Variants in AEBP2 observed in about 807,000 individuals in gnomAD.
The protein encoded by AEBP2 is zinc finger protein AEBP2.
AEBP2 carries 10 observed loss-of-function variants against 50.8 expected under a neutral mutation model. The ratio of observed to expected loss-of-function variants is 0.20; its 90% CI spans 0.12 to 0.33. The LOEUF (loss-of-function observed/expected upper bound fraction) is 0.33, where lower values mean the gene tolerates loss of function less well. Among genes scored for constraint, AEBP2 ranks in the 10% least tolerant of loss-of-function variants. AEBP2 has a pLI of 1.00. For missense variants in AEBP2, 570 were observed against 688.0 expected (o/e 0.83, Z 1.92); for synonymous variants, 296 against 261.3 (o/e 1.13, Z -1.28).
intron 1 of AEBP2, chr12:19,440,707 G>GTA (rs1416345566): frequency 2.0e-6 from 3 of 1,533,378 alleles, no homozygotes; most frequent in Non-Finnish European, 2.6e-6. Flanking sequence ...GGGCCTTGAT[G>GTA]TACACACGTC....
At position 19,522,011 on chromosome 12, in the gene AEBP2, C is replaced by A. The variant is rs1250168563; in HGVS notation, c.*3894C>A. ...TCTGTGTAACAAAGCCTGTTGGGTA[C>A]AGGTCTACAAGGAGATACTTTGTTT... On this transcript the variant is annotated 3_prime_UTR_variant, in exon 8 of 8. Coordinates refer to ENST00000266508, the MANE Select transcript of AEBP2 (RefSeq NM_153207.5). 6.6e-6 allele frequency: 1 copy of A among 151,620 alleles called. No homozygotes were observed. The highest frequency in any genetic ancestry group is 1.5e-5 in the Non-Finnish European group (1 of 67,924). 9.4% of individuals were successfully genotyped at this position (151,620 alleles called of 1,614,324 possible).
intron 5 of AEBP2, among the ~76,000 whole-genome samples, chr12:19,505,116 T>C (rs1949136193): frequency 6.6e-6 from 1 of 152,202 alleles, no homozygotes; most frequent in Admixed American, 6.5e-5. Flanking sequence ...AGAGTTAATA[T>C]GGCTGCTCTG....
At chr12:19,416,775 C>G (rs1327427568) in intron 1 of AEBP2, among the ~76,000 whole-genome samples, 1 of 151,936 alleles carries the variant, frequency 6.6e-6, no homozygotes, top group African/African-American at 2.4e-5. Flanking sequence ...TAGTCTTGAA[C>G]TCCTGACCTC....
intron 3 of AEBP2, among the ~76,000 whole-genome samples, chr12:19,477,618 A>G (rs1393390074): frequency 1.3e-5 from 2 of 152,306 alleles, no homozygotes; most frequent in African/African-American, 4.8e-5. Flanking sequence ...CCATCTCTGC[A>G]TCCATGGTAT....
intron 1 of AEBP2, among the ~76,000 whole-genome samples, chr12:19,407,145 A>G (rs993526111): frequency 6.6e-6 from 1 of 152,082 alleles, no homozygotes. Flanking sequence ...CTAACAACAA[A>G]AAAGAATTAG....
chr12:19,433,909 C>T lies in AEBP2; in HGVS notation c.-16-28601C>T, dbSNP rs1031991460. ...TCACCTAGGCTGGAGTGTAGTGGCG[C>T]GATCTCGGCTCACTGCAACCTCTGC... is the stretch of plus-strand genomic sequence containing the variant. On this transcript the variant is annotated intron_variant, in intron 1 of 3. Coordinates refer to the AEBP2 transcript ENST00000538425. Among the ~76,000 whole-genome samples, 8 of 151,978 alleles carry T rather than the reference C, an allele frequency of 5.3e-5. No individual in the cohort carries two copies. The South Asian group carries it at 1.5e-3, about 28-fold the overall frequency.
upstream of AEBP2, among the ~76,000 whole-genome samples, chr12:19,438,826 T>C (rs1947889213): frequency 6.6e-6 from 1 of 152,172 alleles, no homozygotes; most frequent in African/African-American, 2.4e-5. Context: ...AAAAAATGGA[T>C]ATTAGTGGGT....
chr12:19,502,569 A>G (rs573189470), intron 5 of AEBP2, among the ~76,000 whole-genome samples: 3 of 151,176 alleles, frequency 2.0e-5, no homozygotes, highest in South Asian at 4.2e-4. Flanking sequence ...ATTTTTGTCA[A>G]CTTTTTTGAA....
chr12:19,440,000 G>A lies in AEBP2; in HGVS notation c.301G>A (p.Glu101Lys). The A allele has an allele frequency of 2.0e-6, 3 of 1,525,540 alleles. No individual in the cohort carries two copies. The highest frequency in any genetic ancestry group is 2.6e-6 in the Non-Finnish European group (3 of 1,142,414). The allele number at this position is 1,525,540 out of a possible 1,614,324, so 94.5% of individuals were successfully genotyped here. The change falls in exon 1 of 8, where the codon GAG becomes AAG. Residue 101 changes from glutamate (E) to lysine (K), a missense_variant. Transcript: ENST00000266508. The part of the protein sequence containing the change: ...SQAGEDEDEE[E>K]DDEEEEDESS... Reference sequence around the variant, plus strand: ...GGCCGGGGAGGACGAAGACGAGGAGGAGGACGACGAGGAGGAGGAAGATGA... The same window carrying A: ...GGCCGGGGAGGACGAAGACGAGGAGAAGGACGACGAGGAGGAGGAAGATGA...
intron 2 of AEBP2, among the ~76,000 whole-genome samples, chr12:19,467,625 T>TGAA (rs1305773589): frequency 6.6e-6 from 1 of 152,178 alleles, no homozygotes; most frequent in African/African-American, 2.4e-5. Context: ...GACTGGTTTC[T>TGAA]GAAGATTAGA....
chr12:19,507,764 G>A lies in AEBP2; in HGVS notation c.1300-4634G>A, dbSNP rs566542397. Among the ~76,000 whole-genome samples, 55 of 152,308 alleles carry A rather than the reference G, an allele frequency of 3.6e-4. No homozygotes were observed. The South Asian group carries it at 0.011, about 30-fold the overall frequency. ...GGAAAGGAGCTAGGTGAGCAAATTG[G>A]AGCTCCAAAGTTCTATAACTGGGAA... On this transcript the variant is annotated intron_variant, in intron 5 of 7. Coordinates refer to ENST00000266508, the MANE Select transcript of AEBP2 (RefSeq NM_153207.5).
intron 3 of AEBP2, among the ~76,000 whole-genome samples, chr12:19,476,010 C>T (rs1038244807): frequency 2.0e-4 from 30 of 152,088 alleles, no homozygotes; most frequent in African/African-American, 6.8e-4. Context: ...CTTTTATGTG[C>T]AGAAGCTGAT....
At position 19,500,005 on chromosome 12, in the gene AEBP2, G is replaced by A. The variant is rs184642408; in HGVS notation, c.1175-92G>A. 1.1e-3 allele frequency: 1,228 copies of A among 1,147,034 alleles called. 1 individual carries two copies. Among genetic ancestry groups the A allele is most frequent in the Non-Finnish European group, 1.3e-3 (1,072 of 806,312 alleles). 71.1% of individuals were successfully genotyped at this position (1,147,034 alleles called of 1,614,324 possible). On this transcript the variant is annotated intron_variant, in intron 4 of 7. Coordinates refer to ENST00000266508, the MANE Select transcript of AEBP2 (RefSeq NM_153207.5). Reference sequence around the variant, plus strand: ...AATAATCTTGAATTTAAATACTATTGATAGATATGTATTTGTTAATTGTTT... The same window carrying A: ...AATAATCTTGAATTTAAATACTATTAATAGATATGTATTTGTTAATTGTTT...
At position 19,519,415 on chromosome 12, in the gene AEBP2, T is replaced by C. The variant is rs1404927730; in HGVS notation, c.*1298T>C. 1 of 152,564 alleles carries C rather than the reference T, an allele frequency of 6.6e-6. No individual in the cohort carries two copies. Among genetic ancestry groups the C allele is most frequent in the Non-Finnish European group, 1.5e-5 (1 of 67,978 alleles). The allele number at this position is 152,564 out of a possible 1,614,324, so 9.5% of individuals were successfully genotyped here. On this transcript the variant is annotated 3_prime_UTR_variant, in exon 8 of 8. Transcript: ENST00000266508. ...GACTTAAGGGACTATGTACTACTGT[T>C]AATATCTCTAAGAACAAAACACATT...
intron 1 of AEBP2, among the ~76,000 whole-genome samples, chr12:19,409,414 A>G (rs2095738089): frequency 6.6e-6 from 1 of 152,182 alleles, no homozygotes; most frequent in Admixed American, 6.5e-5. Flanking sequence ...AAAAAGAGAG[A>G]ATGAATATCT....
At chr12:19,499,219 T>A (rs1409266217) in intron 4 of AEBP2, among the ~76,000 whole-genome samples, 1 of 152,224 alleles carries the variant, frequency 6.6e-6, no homozygotes, top group East Asian at 1.9e-4. Context: ...TGGAGCTGAT[T>A]GGCAGCTTTG....
chr12:19,449,964 C>T (rs1427958444), intron 1 of AEBP2, among the ~76,000 whole-genome samples: 3 of 152,076 alleles, frequency 2.0e-5, no homozygotes, highest in African/African-American at 7.2e-5. Flanking sequence ...TTCCTTCCAC[C>T]TTAGATGAAT....
At chr12:19,508,513 A>G (rs1949187038) in intron 5 of AEBP2, among the ~76,000 whole-genome samples, 1 of 152,160 alleles carries the variant, frequency 6.6e-6, no homozygotes, top group African/African-American at 2.4e-5. Flanking sequence ...CTATTAAAAC[A>G]CTAAAGTTCT....
intron 5 of AEBP2, among the ~76,000 whole-genome samples, chr12:19,508,716 T>C (rs1001003656): frequency 1.3e-5 from 2 of 152,210 alleles, no homozygotes; most frequent in African/African-American, 2.4e-5. Flanking sequence ...CCTAGACTGA[T>C]TGGCCTACCT....
Sources: allele counts gnomAD v4.1 joint callset (sites outside exome capture counted in the v4.1 genomes callset), GRCh38; gene constraint gnomAD v4.1.1; transcripts MANE v1.5; gene names NCBI Gene and HGNC (gene_info 2026-07-23, HGNC 2026-07-21).